ZIM2: variants seen among roughly 807,000 people sequenced by gnomAD.
The protein encoded by ZIM2 is zinc finger protein 656.
Under a neutral mutation model 38.6 loss-of-function variants are expected in ZIM2, and 14 were observed. The observed-to-expected ratio is 0.36, with a 90% confidence interval of 0.24 to 0.57. The LOEUF (loss-of-function observed/expected upper bound fraction) is 0.57. Among genes scored for constraint, ZIM2 ranks in the 20% least tolerant of loss-of-function variants. The pLI is 0.81. For missense variants in ZIM2, 680 were observed against 695.1 expected (o/e 0.98, Z 0.24); for synonymous variants, 247 against 245.8 (o/e 1.00, Z -0.04).
intron 10 of ZIM2, 183 bp from the exon 11 acceptor site, chr19:56,782,304 T>A: frequency 1.3e-6 from 1 of 779,212 alleles, no homozygotes; most frequent in South Asian, 1.8e-5. Flanking sequence ...CTATTGCTAA[T>A]TACTACAGAT....
At chr19:56,815,971 G>A (rs2059939580) in intron 9 of ZIM2, 1 of 1,588,168 alleles carries the variant, frequency 6.3e-7, no homozygotes, top group South Asian at 1.2e-5. Flanking sequence ...TCCTTCAGAG[G>A]TGTTCCCTCC....
rs750018388 is a variant in ZIM2 at position 56,821,756 on chromosome 19, TG to T, written c.191-3del. ...GGGAAAGATCCCGCGGAGGCATCCCTGGGAAGAAAAAAGGCATCAACAAGAA... is the reference window on the plus strand; with the variant it reads ...GGGAAAGATCCCGCGGAGGCATCCCTGGAAGAAAAAAGGCATCAACAAGAA... On this transcript the variant is annotated splice_polypyrimidine_tract_variant and splice_region_variant and intron_variant, in intron 6 of 12. Coordinates refer to ENST00000629319, the MANE Select transcript of ZIM2 (RefSeq NM_001387356.1). The T allele has an allele frequency of 2.3e-4, 366 of 1,613,736 alleles. No individual in the cohort carries two copies. Among genetic ancestry groups the T allele is most frequent in the Non-Finnish European group, 2.8e-4 (332 of 1,179,980 alleles).
chr19:56,796,289 C>T (rs557800147), intron 9 of ZIM2, among the ~76,000 whole-genome samples: 16 of 152,356 alleles, frequency 1.1e-4, no homozygotes, highest in African/African-American at 3.6e-4. Flanking sequence ...CTTACATTAC[C>T]TAGTACAGTA....
At chr19:56,804,235 A>G (rs1165654991) in intron 9 of ZIM2, among the ~76,000 whole-genome samples, 1 of 152,230 alleles carries the variant, frequency 6.6e-6, no homozygotes, top group East Asian at 1.9e-4. Flanking sequence ...GGGAAACTTT[A>G]AATACCTCCT....
chr19:56,816,679 T>A (rs757716518), intron 9 of ZIM2: 8 of 1,613,966 alleles, frequency 5.0e-6, no homozygotes, highest in Non-Finnish European at 6.8e-6. Flanking sequence ...ATCTTTGTCA[T>A]CCCCAAAGTG....
In ZIM2 at chr19:56,814,360, T is replaced by C. The variant is rs768359364; in HGVS notation, c.490+3386A>G. The C allele has an allele frequency of 6.2e-7, 1 of 1,603,160 alleles. No individual in the cohort carries two copies. On this transcript the variant is annotated intron_variant, in intron 9 of 12. Transcript: ENST00000629319. The surrounding 1 kb of genome is among the most constrained non-coding windows in gnomAD (Gnocchi z 5.8). ...TGCTGCTGCAGCTGCTGCTGCTTCA[T>C]CTTCTTCTTCTTCTTCCAGATGAAG...
At chr19:56,792,446 G>C (rs1003658866) in intron 9 of ZIM2, among the ~76,000 whole-genome samples, 3 of 144,976 alleles carry the variant, frequency 2.1e-5, no homozygotes, top group Admixed American at 1.4e-4. Flanking sequence ...CAGGAGAATT[G>C]CTTGAACCCG....
At chr19:56,804,892 A>G (rs1268903971) in intron 9 of ZIM2, among the ~76,000 whole-genome samples, 1 of 152,232 alleles carries the variant, frequency 6.6e-6, no homozygotes, top group Non-Finnish European at 1.5e-5. Flanking sequence ...TTAAGGAAAT[A>G]ACCCAAGATT....
chr19:56,798,331 G>A (rs2047332231), intron 9 of ZIM2: 1 of 152,148 alleles, frequency 6.6e-6, no homozygotes, highest in African/African-American at 2.4e-5. Flanking sequence ...GTGTGTGTGT[G>A]TGTGCATGTG....
chr19:56,819,894 G>A lies in ZIM2; in HGVS notation c.295-1192C>T, dbSNP rs1310114259. Reference sequence around the variant, plus strand: ...CTTGCTGAGTAAGCAAAGACAAAGAGGTACGGGTATCTGGGTTTAAGAGGG... The same window carrying A: ...CTTGCTGAGTAAGCAAAGACAAAGAAGTACGGGTATCTGGGTTTAAGAGGG... On this transcript the variant is annotated intron_variant, in intron 7 of 12. Coordinates refer to ENST00000629319, the MANE Select transcript of ZIM2 (RefSeq NM_001387356.1). Among the ~76,000 whole-genome samples the A allele has an allele frequency of 3.3e-5, 5 of 152,298 alleles. No homozygotes were observed. The East Asian group carries it at 7.7e-4, about 23-fold the overall frequency.
chr19:56,821,515 GCTC>G (rs2146299178), intron 7 of ZIM2, 133 bp downstream of exon 7: 2 of 1,037,794 alleles, frequency 1.9e-6, no homozygotes, highest in South Asian at 3.1e-5. Flanking sequence ...ATGGGCCCGG[GCTC>G]CTCCTGGAGC....
At chr19:56,838,378 G>A (rs1295455457) in intron 1 of ZIM2, among the ~76,000 whole-genome samples, 1 of 152,210 alleles carries the variant, frequency 6.6e-6, no homozygotes, top group Admixed American at 6.5e-5. Flanking sequence ...GGCTAGCACA[G>A]ACAGTACCGT....
chr19:56,806,670 C>A (rs2047771829), intron 9 of ZIM2, among the ~76,000 whole-genome samples: 1 of 152,136 alleles, frequency 6.6e-6, no homozygotes. Flanking sequence ...ATGTTTGTGT[C>A]CCCACAAAAC....
chr19:56,794,231 A>AT (rs1290879550), intron 9 of ZIM2, among the ~76,000 whole-genome samples: 2 of 152,184 alleles, frequency 1.3e-5, no homozygotes, highest in African/African-American at 2.4e-5. Context: ...ATTATAAGTG[A>AT]TTTTTATAGG....
rs181236272 is a variant in ZIM2, at chr19:56,819,297, T to A, written c.295-595A>T. On this transcript the variant is annotated intron_variant, in intron 7 of 12. Coordinates refer to ENST00000629319, the MANE Select transcript of ZIM2 (RefSeq NM_001387356.1). ...TGGCTACATTGAGGGAGTCTCCAGT[T>A]TGCACAATTTCCAAATCACCCAGGA... 3.1e-3 allele frequency among the ~76,000 whole-genome samples: 467 copies of A among 152,348 alleles called. 5 individuals carry two copies. The highest frequency in any genetic ancestry group is 0.025 in the Admixed American group (383 of 15,312).
At chr19:56,802,783 G>A (rs548137531) in intron 9 of ZIM2, among the ~76,000 whole-genome samples, 3 of 152,344 alleles carry the variant, frequency 2.0e-5, no homozygotes, top group Non-Finnish European at 4.4e-5. Flanking sequence ...AATATCTGGA[G>A]AGGCCCTAGC....
At chr19:56,821,145 C>T (rs1167800230) in intron 7 of ZIM2, among the ~76,000 whole-genome samples, 2 of 152,330 alleles carry the variant, frequency 1.3e-5, no homozygotes, top group Admixed American at 1.3e-4. Flanking sequence ...TTCACAGCAG[C>T]CCTGGGAGCA....
intron 7 of ZIM2, among the ~76,000 whole-genome samples, chr19:56,819,599 GA>G (rs2060287368): frequency 6.6e-6 from 1 of 152,178 alleles, no homozygotes. Context: ...CTGGGTCAAA[GA>G]AGGATTGCAC....
chr19:56,820,685 C>T lies in ZIM2; in HGVS notation c.294+966G>A, dbSNP rs113709698. Among the ~76,000 whole-genome samples, 457 of 152,342 alleles carry T rather than the reference C, an allele frequency of 3.0e-3. 1 individual carries two copies. The highest frequency in any genetic ancestry group is 9.5e-3 in the African/African-American group (395 of 41,580). On this transcript the variant is annotated intron_variant, in intron 7 of 12. Coordinates refer to ENST00000629319, the MANE Select transcript of ZIM2 (RefSeq NM_001387356.1). ...TCAATCCAAATCAAGGCCCTTGTTA[C>T]AATTTCTTGTTAACTCTCTATTTTT... is the stretch of plus-strand genomic sequence containing the variant.
Sources: allele counts gnomAD v4.1 joint callset (sites outside exome capture counted in the v4.1 genomes callset), GRCh38; gene constraint gnomAD v4.1.1; non-coding constraint Gnocchi (gnomAD v3.1); transcripts MANE v1.5; gene names NCBI Gene and HGNC (gene_info 2026-07-23, HGNC 2026-07-21).